The following CDR2 variants were observed in gnomAD, a reference collection of about 807,000 sequenced individuals.
CDR2 encodes cerebellar degeneration related protein 2.
A neutral mutation model predicts 48.4 loss-of-function variants in CDR2; 34 were observed. That is an observed-to-expected ratio of 0.70 (90% CI 0.53 to 0.94). The LOEUF (loss-of-function observed/expected upper bound fraction) is 0.94. Ranked by LOEUF, CDR2 falls within the 40% of genes least tolerant of loss-of-function variation. The pLI is 0.00. For synonymous variants in CDR2, 240 were observed against 219.7 expected, an observed-to-expected ratio of 1.09 and a Z score of -0.82; for missense variants, 498 against 549.5, an observed-to-expected ratio of 0.91 and a Z score of 0.94.
At chr16:22,353,130 T>G (rs969218548) in intron 2 of CDR2, among the ~76,000 whole-genome samples, 1 of 152,186 alleles carries the variant, frequency 6.6e-6, no homozygotes, top group Non-Finnish European at 1.5e-5. Context: ...CAGAACTACC[T>G]TTAAAAAGGC....
At chr16:22,368,525 T>C (rs1375966498) in intron 1 of CDR2, among the ~76,000 whole-genome samples, 1 of 152,228 alleles carries the variant, frequency 6.6e-6, no homozygotes, top group Non-Finnish European at 1.5e-5. Flanking sequence ...TTTTGTTTTC[T>C]AGAGACATTA....
intron 2 of CDR2, among the ~76,000 whole-genome samples, chr16:22,356,603 A>C (rs920230547): frequency 6.6e-6 from 1 of 152,100 alleles, no homozygotes; most frequent in African/African-American, 2.4e-5. Flanking sequence ...AAATACAAAA[A>C]TTCGCCGGGC....
At position 22,345,989 on chromosome 16, in the gene CDR2, G is replaced by A. The variant is rs188088538; in HGVS notation, c.*976C>T. ...TTTTAGAAAAATATATACAATAATCGGAACATCAGTTCTTAAATAGTTTTA... is the reference window on the plus strand; with the variant it reads ...TTTTAGAAAAATATATACAATAATCAGAACATCAGTTCTTAAATAGTTTTA... On this transcript the variant is annotated 3_prime_UTR_variant, in exon 5 of 5. Coordinates refer to ENST00000268383, the MANE Select transcript of CDR2 (RefSeq NM_001802.2). The A allele has an allele frequency of 6.5e-5, 10 of 152,672 alleles. No homozygotes were observed. The highest frequency in any genetic ancestry group is 1.9e-4 in the East Asian group (1 of 5,184). 9.5% of individuals were successfully genotyped at this position (152,672 alleles called of 1,614,324 possible). A position where few individuals can be genotyped will look rare whatever the true frequency, so the allele number is the denominator to read the frequency against.
chr16:22,347,338 C>CAGG lies in CDR2; in HGVS notation c.989_991dup (p.Thr330_Cys331insSer). On this transcript the variant is annotated inframe_insertion, in exon 5 of 5. Coordinates refer to ENST00000268383, the MANE Select transcript of CDR2 (RefSeq NM_001802.2). Reference sequence around the variant, plus strand: ...TTTCACAGCCTTGGCCCTCCTGATGCAGGTCTCCTCGTGGCCCTTCACGAT... The same window carrying CAGG: ...TTTCACAGCCTTGGCCCTCCTGATGCAGGAGGTCTCCTCGTGGCCCTTCACGAT... 1.2e-6 allele frequency: 2 copies of CAGG among 1,614,276 alleles called. No individual in the cohort carries two copies. The highest frequency in any genetic ancestry group is 1.7e-6 in the Non-Finnish European group (2 of 1,180,048).
intron 2 of CDR2, among the ~76,000 whole-genome samples, chr16:22,350,217 C>A (rs1036108394): frequency 6.6e-6 from 1 of 152,004 alleles, no homozygotes; most frequent in African/African-American, 2.4e-5. Flanking sequence ...ACCTGCTGTT[C>A]TGCTGTTCCA....
chr16:22,363,347 A>G (rs1158523389), intron 2 of CDR2, among the ~76,000 whole-genome samples: 2 of 152,232 alleles, frequency 1.3e-5, no homozygotes, highest in Non-Finnish European at 2.9e-5. Flanking sequence ...ATTGCAAGCC[A>G]TACTTTCCTA....
chr16:22,360,739 CTTTTT>C (rs201976962), intron 2 of CDR2, among the ~76,000 whole-genome samples: 2 of 74,128 alleles, frequency 2.7e-5, no homozygotes, highest in African/African-American at 9.5e-5. Flanking sequence ...AAAAAATGAT[CTTTTT>C]TTTTTTTTTT....
intron 2 of CDR2, among the ~76,000 whole-genome samples, chr16:22,359,783 A>AG (rs1316402777): frequency 1.3e-5 from 2 of 152,330 alleles, no homozygotes; most frequent in East Asian, 3.9e-4. Flanking sequence ...CCCAAAGTTT[A>AG]GGAGTTATTA....
At position 22,349,413 on chromosome 16, in the gene CDR2, G is replaced by A. The variant is rs1161157918; in HGVS notation, c.372C>T (p.Thr124=). The A allele has an allele frequency of 6.2e-7, 1 of 1,614,100 alleles. No individual in the cohort carries two copies. The highest frequency in any genetic ancestry group is 1.1e-5 in the South Asian group (1 of 91,080). Reference sequence around the variant, plus strand: ...CTTGGCTCTGGAGGTGATCAATGTTGGTTTGCAGGCATTCAATCGTTTCAG... The same window carrying A: ...CTTGGCTCTGGAGGTGATCAATGTTAGTTTGCAGGCATTCAATCGTTTCAG... ...SLTETIECLQ[T]NIDHLQSQVE... is the part of the protein sequence containing the mutation. The change falls in exon 4 of 5, where the codon ACC becomes ACT. Residue 124 remains threonine (T), a synonymous_variant. Transcript: ENST00000268383.
rs181609400 is a variant in CDR2 at position 22,348,400 on chromosome 16, C to T, written c.507-577G>A. Among the ~76,000 whole-genome samples the T allele has an allele frequency of 2.0e-5, 3 of 152,286 alleles. No homozygotes were observed. In the East Asian group the frequency reaches 5.8e-4, roughly 29 times the overall value. On this transcript the variant is annotated intron_variant, in intron 4 of 4. Transcript: ENST00000268383. ...TTCTAGCAGTATGACAATGACCTCACAAGGGAAACCTTAAAAAGTACTGGT... is the reference window on the plus strand; with the variant it reads ...TTCTAGCAGTATGACAATGACCTCATAAGGGAAACCTTAAAAAGTACTGGT...
rs2048913173 is a variant in CDR2, at chr16:22,347,363, T to G, written c.967A>C (p.Ile323Leu). ...TILSSLAGSD[I>L]VKGHEETCIR... The stretch of plus-strand genomic sequence containing the variant: ...CAGGTCTCCTCGTGGCCCTTCACGA[T>G]GTCACTCCCTGCCAAGCTGCTGAGG... Residue 323 changes from isoleucine to leucine, a missense_variant, in exon 5 of 5, where the codon ATC (isoleucine) becomes CTC (leucine). Ile to Leu is a conservative substitution (Grantham distance 5). Transcript: ENST00000268383. 1 of 1,614,196 alleles carries G rather than the reference T, an allele frequency of 6.2e-7. No individual in the cohort carries two copies. The highest frequency in any genetic ancestry group is 1.1e-5 in the South Asian group (1 of 91,076).
At position 22,347,081 on chromosome 16, in the gene CDR2, T is replaced by C. The variant is rs778387115; in HGVS notation, c.1249A>G (p.Thr417Ala). 15 of 1,614,226 alleles carry C rather than the reference T, an allele frequency of 9.3e-6. No individual in the cohort carries two copies. In the South Asian group the frequency reaches 1.5e-4, roughly 17 times the overall value. ...SVNPEPVSSPTTPPEYKALFK... is the reference protein window; with the variant it reads ...SVNPEPVSSPATPPEYKALFK... ...AACGCTTTGTATTCTGGAGGTGTTG[T>C]AGGGGAACTCACGGGCTCTGGGTTG... The change falls in exon 5 of 5, where the codon ACA becomes GCA. Residue 417 changes from threonine to alanine, a missense_variant. By Grantham distance (58) the Thr-to-Ala change is moderately conservative. Coordinates refer to ENST00000268383, the MANE Select transcript of CDR2 (RefSeq NM_001802.2).
intron 2 of CDR2, among the ~76,000 whole-genome samples, chr16:22,358,906 A>G (rs1248128067): frequency 6.6e-6 from 1 of 152,158 alleles, no homozygotes; most frequent in African/African-American, 2.4e-5. Flanking sequence ...AAGTTCTTTC[A>G]TGACTATAGT....
chr16:22,365,441 A>G (rs981366039), intron 1 of CDR2, among the ~76,000 whole-genome samples: 3 of 152,194 alleles, frequency 2.0e-5, no homozygotes, highest in Non-Finnish European at 4.4e-5. Flanking sequence ...TACAACTGTT[A>G]AAGTTTATTG....
chr16:22,347,320 G>C lies in CDR2; in HGVS notation c.1010C>G (p.Ala337Gly). ...HEETCIRRAK[A>G]VKQRGISLLH... ...AAGGGAGATGCCCCTCTGTTTCACA[G>C]CCTTGGCCCTCCTGATGCAGGTCTC... The change falls in exon 5 of 5, where the codon GCT becomes GGT. Residue 337 changes from alanine to glycine, a missense_variant. Coordinates refer to ENST00000268383, the MANE Select transcript of CDR2 (RefSeq NM_001802.2). The C allele has an allele frequency of 6.2e-7, 1 of 1,614,240 alleles. No homozygotes were observed. The highest frequency in any genetic ancestry group is 8.5e-7 in the Non-Finnish European group (1 of 1,180,048).
intron 1 of CDR2, among the ~76,000 whole-genome samples, chr16:22,369,798 G>A (rs954544213): frequency 6.6e-6 from 1 of 151,438 alleles, no homozygotes; most frequent in Non-Finnish European, 1.5e-5. Flanking sequence ...AATAATTAGT[G>A]GAGGGAATAG....
In CDR2 at chr16:22,349,866, G is replaced by A; in HGVS notation, c.193-17C>T. ...CGTCAGATACTGTAAGAGAAGATCA[G>A]GACCAGGTGACACAAACAGATAAGA... On this transcript the variant is annotated splice_polypyrimidine_tract_variant and intron_variant, in intron 2 of 4. Coordinates refer to ENST00000268383, the MANE Select transcript of CDR2 (RefSeq NM_001802.2). 1.2e-6 allele frequency: 2 copies of A among 1,613,410 alleles called. No individual in the cohort carries two copies. Among genetic ancestry groups the A allele is most frequent in the Middle Eastern group, 1.7e-4 (1 of 6,054 alleles).
At chr16:22,370,997 G>C (rs1295129385) in intron 1 of CDR2, among the ~76,000 whole-genome samples, 1 of 152,192 alleles carries the variant, frequency 6.6e-6, no homozygotes, top group Admixed American at 6.5e-5. Flanking sequence ...TAAATCACGA[G>C]GTCAGGAGAT....
intron 1 of CDR2, among the ~76,000 whole-genome samples, chr16:22,365,488 T>C (rs2049039263): frequency 6.6e-6 from 1 of 152,174 alleles, no homozygotes; most frequent in Non-Finnish European, 1.5e-5. Context: ...CTAAAATTTA[T>C]TAAGTCAAGA....
Sources: allele counts gnomAD v4.1 joint callset (sites outside exome capture counted in the v4.1 genomes callset), GRCh38; gene constraint gnomAD v4.1.1; transcripts MANE v1.5; gene names NCBI Gene and HGNC (gene_info 2026-07-23, HGNC 2026-07-21).